Variants in RADIL observed in about 807,000 individuals in gnomAD.
RADIL encodes ras-associating and dilute domain-containing protein.
RADIL carries 99 observed loss-of-function variants against 97.6 expected under a neutral mutation model. That is an observed-to-expected ratio of 1.01 (90% CI 0.86 to 1.20). RADIL has a LOEUF of 1.20. Ranked by LOEUF, RADIL falls within the 50% of genes most tolerant of loss-of-function variation. The pLI, the probability that RADIL is intolerant of heterozygous loss-of-function variation, is 0.00. For missense variants in RADIL, 1,765 were observed against 1,498.9 expected (o/e 1.18, Z -2.93); for synonymous variants, 803 against 691.8 (o/e 1.16, Z -2.52).
chr7:4,866,152 ATG>A, intron 2 of RADIL, among the ~76,000 whole-genome samples: 1 of 152,182 alleles, frequency 6.6e-6, no homozygotes, highest in South Asian at 2.1e-4. Flanking sequence ...GTGTGCATGT[ATG>A]TGTGTTTTAA....
chr7:4,856,632 T>C (rs780245113), intron 2 of RADIL, among the ~76,000 whole-genome samples: 11 of 152,260 alleles, frequency 7.2e-5, no homozygotes, highest in Non-Finnish European at 1.5e-4. Context: ...TGCTGTTACT[T>C]AATTTCTAAC....
chr7:4,876,110 T>C (rs1279217599), intron 2 of RADIL, among the ~76,000 whole-genome samples: 2 of 152,170 alleles, frequency 1.3e-5, no homozygotes, highest in Admixed American at 6.5e-5. Flanking sequence ...CACCTCAGCC[T>C]CCTGAGGAGC....
intron 2 of RADIL, among the ~76,000 whole-genome samples, chr7:4,862,356 A>G (rs1264478725): frequency 1.3e-5 from 2 of 151,858 alleles, no homozygotes; most frequent in Non-Finnish European, 2.9e-5. Context: ...CCCGCGGTGG[A>G]AAGCAGCTTC....
rs1457740848 is a variant in RADIL, at chr7:4,878,731, C to T, written c.-64-528G>A. 6.6e-6 allele frequency among the ~76,000 whole-genome samples: 1 copy of T among 152,246 alleles called. No individual in the cohort carries two copies. The highest frequency in any genetic ancestry group is 1.5e-5 in the Non-Finnish European group (1 of 68,040). The stretch of plus-strand genomic sequence containing the variant: ...GGTCGCCTAAGTAAGACACGCTCCG[C>T]TGCAGGGCTTGGATTTCTGGAAAGT... On this transcript the variant is annotated intron_variant, in intron 1 of 14. Coordinates refer to ENST00000399583, the MANE Select transcript of RADIL (RefSeq NM_018059.5). The surrounding 1 kb of genome is among the most constrained non-coding windows in gnomAD (Gnocchi z 4.1).
rs150765305 is a variant in RADIL at position 4,879,623 on chromosome 7, T to C, written c.-64-1420A>G. Among the ~76,000 whole-genome samples the C allele has an allele frequency of 2.5e-3, 378 of 152,290 alleles. No individual in the cohort carries two copies. Among genetic ancestry groups the C allele is most frequent in the Admixed American group, 3.3e-3 (51 of 15,296 alleles). On this transcript the variant is annotated intron_variant, in intron 1 of 14. Transcript: ENST00000399583. The surrounding 1 kb of genome is among the most constrained non-coding windows in gnomAD (Gnocchi z 4.1). Reference sequence around the variant, plus strand: ...AAACACCGCAGCAGCCAACTGTCACTGTCCAGGCTTGACTCACTCGTCACG... The same window carrying C: ...AAACACCGCAGCAGCCAACTGTCACCGTCCAGGCTTGACTCACTCGTCACG...
At position 4,802,067 on chromosome 7, in the gene RADIL, GC is replaced by G. The variant is rs35507874; in HGVS notation, c.2500-73del. On this transcript the variant is annotated intron_variant, in intron 11 of 14. Coordinates refer to ENST00000399583, the MANE Select transcript of RADIL (RefSeq NM_018059.5). The stretch of plus-strand genomic sequence containing the variant: ...GACACAGCACTCGGGCAACTGGGCA[GC>G]CTGCAGCAGAAGGGCCGCCAGGCCG... 3.3e-3 allele frequency: 4,277 copies of G among 1,308,022 alleles called. 119 individuals are homozygous for G. In the African/African-American group the frequency reaches 0.055, roughly 17 times the overall value. The allele number at this position is 1,308,022 out of a possible 1,614,324, so 81.0% of individuals were successfully genotyped here.
At chr7:4,861,384 C>G in intron 2 of RADIL, 1 of 1,614,222 alleles carries the variant, frequency 6.2e-7, no homozygotes, top group Non-Finnish European at 8.5e-7. Context: ...TCTTTCACTT[C>G]CTCCTGTAGT....
rs373936593 is a variant in RADIL, at chr7:4,836,441, C to G, written c.700G>C (p.Glu234Gln). ...NALPAAAQGP[E>Q]EPGPDAMRYS... ...CGCATGGCGTCGGGGCCGGGCTCCT[C>G]GGGGCCCTGGGCGGCAGCGGGCAGG... The change falls in exon 3 of 15, where the codon GAG (glutamate) becomes CAG (glutamine). Residue 234 changes from glutamate to glutamine, a missense_variant. Physicochemically the swap from Glu to Gln is conservative, Grantham distance 29 (BLOSUM62 2). Transcript: ENST00000399583. 1 of 1,596,776 alleles carries G rather than the reference C, an allele frequency of 6.3e-7. No individual in the cohort carries two copies. Among genetic ancestry groups the G allele is most frequent in the Non-Finnish European group, 8.5e-7 (1 of 1,171,928 alleles).
rs748819274 is a variant in RADIL at position 4,818,161 on chromosome 7, T to G, written c.1616-810A>C. Among the ~76,000 whole-genome samples the G allele has an allele frequency of 6.6e-6, 1 of 151,786 alleles. No individual in the cohort carries two copies. Among genetic ancestry groups the G allele is most frequent in the Non-Finnish European group, 1.5e-5 (1 of 67,982 alleles). ...CTCCTCTCCCTCCTGTGGGGCCTTC[T>G]TCCAGGAGGGGCAGAGGGGCCGCAT... On this transcript the variant is annotated intron_variant, in intron 6 of 14. Transcript: ENST00000399583. The surrounding 1 kb of genome is among the most constrained non-coding windows in gnomAD (Gnocchi z 7.1).
At position 4,815,421 on chromosome 7, in the gene RADIL, T is replaced by G; in HGVS notation, c.1996A>C (p.Arg666=). The part of the protein sequence containing the change: ...GPSLSCFHWP[R]GVQACARLQQ... ...AGGCGGGCGCAGGCCTGGACACCTCTGGGCCAGTGGAAGCAGCTCAGGGAG... is the reference window on the plus strand; with the variant it reads ...AGGCGGGCGCAGGCCTGGACACCTCGGGGCCAGTGGAAGCAGCTCAGGGAG... The change falls in exon 9 of 15, where the codon AGA becomes CGA. Residue 666 remains arginine, a synonymous_variant. Transcript: ENST00000399583. The surrounding 1 kb of genome is among the most constrained non-coding windows in gnomAD (Gnocchi z 8.0). The G allele has an allele frequency of 6.5e-7, 1 of 1,545,716 alleles. No homozygotes were observed. The highest frequency in any genetic ancestry group is 8.7e-7 in the Non-Finnish European group (1 of 1,143,682).
chr7:4,828,757 C>A (rs766969505), intron 5 of RADIL, among the ~76,000 whole-genome samples: 27 of 152,202 alleles, frequency 1.8e-4, no homozygotes, highest in Non-Finnish European at 3.1e-4. Context: ...AAAAGCCCCC[C>A]AGGCATGCAA....
At position 4,860,821 on chromosome 7, in the gene RADIL, C is replaced by A. The variant is rs992293693; in HGVS notation, c.535+16784G>T. ...TCATGACCATCCTGGTTGAAATAGA[C>A]ACGTTGTATGTGGAGTTCTGCTGTG... On this transcript the variant is annotated intron_variant, in intron 2 of 14. Transcript: ENST00000399583. 9 of 1,614,008 alleles carry A rather than the reference C, an allele frequency of 5.6e-6. No individual in the cohort carries two copies. The Admixed American group carries it at 1.0e-4, about 18-fold the overall frequency.
At position 4,805,613 on chromosome 7, in the gene RADIL, C is replaced by A. The variant is rs376135961; in HGVS notation, c.2243G>T (p.Ser748Ile). ...YQLASAMGPMSTWEPGAQDSP... is the reference protein window; with the variant it reads ...YQLASAMGPMITWEPGAQDSP... ...GTCCTGGGCCCCTGGCTCCCAGGTG[C>A]TCATGGGGCCCATGGCCGAGGCCAG... Residue 748 changes from serine (S) to isoleucine (I), a missense_variant, in exon 10 of 15, where the codon AGC becomes ATC. Ser to Ile is a moderately radical substitution (Grantham distance 142). Coordinates refer to ENST00000399583, the MANE Select transcript of RADIL (RefSeq NM_018059.5). The A allele has an allele frequency of 4.3e-5, 69 of 1,611,700 alleles. No homozygotes were observed. The highest frequency in any genetic ancestry group is 5.3e-5 in the Non-Finnish European group (63 of 1,179,798).
intron 2 of RADIL, among the ~76,000 whole-genome samples, chr7:4,843,992 C>T (rs1783508967): frequency 6.6e-6 from 1 of 150,764 alleles, no homozygotes; most frequent in African/African-American, 2.4e-5. Flanking sequence ...GGAACCAATT[C>T]TGCCATGAGG....
At chr7:4,804,783 C>G (rs1782238358) in intron 10 of RADIL, among the ~76,000 whole-genome samples, 1 of 145,318 alleles carries the variant, frequency 6.9e-6, no homozygotes, top group African/African-American at 2.6e-5. Flanking sequence ...GAGACTCTGT[C>G]TCAGTCAATC....
rs1329388962 is a variant in RADIL, at chr7:4,818,884, G to A, written c.1616-1533C>T. ...GAATGAAACCACAAAGCAGCCTCCA[G>A]CCACCCACCACGGGCCTGAGACTCC... On this transcript the variant is annotated intron_variant, in intron 6 of 14. Transcript: ENST00000399583. This position sits in a 1 kb window ranked among gnomAD's most constrained non-coding sequence, Gnocchi z 7.1. Among the ~76,000 whole-genome samples, 1 of 152,060 alleles carries A rather than the reference G, an allele frequency of 6.6e-6. No individual in the cohort carries two copies. Among genetic ancestry groups the A allele is most frequent in the Non-Finnish European group, 1.5e-5 (1 of 67,996 alleles).
chr7:4,877,212 G>A (rs1035857911), intron 2 of RADIL, among the ~76,000 whole-genome samples: 4 of 152,362 alleles, frequency 2.6e-5, no homozygotes, highest in African/African-American at 9.6e-5. Flanking sequence ...GGAGGCCAAA[G>A]TAGGAGGATC....
chr7:4,809,075 G>A (rs1782456967), intron 9 of RADIL: 2 of 975,986 alleles, frequency 2.0e-6, no homozygotes, highest in Admixed American at 7.0e-5. Context: ...CTGCCCCTCC[G>A]CGTCTCCTGT....
chr7:4,826,954 C>T (rs1461027928), intron 5 of RADIL, among the ~76,000 whole-genome samples: 1 of 151,344 alleles, frequency 6.6e-6, no homozygotes, highest in Non-Finnish European at 1.5e-5. Context: ...AAAGAGTGAA[C>T]CTAAACTTTC....
Sources: allele counts gnomAD v4.1 joint callset (sites outside exome capture counted in the v4.1 genomes callset), GRCh38; gene constraint gnomAD v4.1.1; non-coding constraint Gnocchi (gnomAD v3.1); transcripts MANE v1.5; gene names NCBI Gene and HGNC (gene_info 2026-07-23, HGNC 2026-07-21).